Variants in PXN observed in about 807,000 individuals in gnomAD.
The protein encoded by PXN is paxillin, also known as testicular tissue protein Li 134.
A neutral mutation model predicts 103.6 loss-of-function variants in PXN; 61 were observed. That is an observed-to-expected ratio of 0.59 (90% CI 0.48 to 0.73). The LOEUF (loss-of-function observed/expected upper bound fraction) is 0.73, where lower values mean the gene tolerates loss of function less well. PXN is among the 30% of genes least tolerant of loss of function. The pLI is 0.00. For missense variants in PXN, 1,274 were observed against 1,460.3 expected (o/e 0.87, Z 2.08); for synonymous variants, 562 against 607.8 (o/e 0.92, Z 1.11).
In PXN at chr12:120,215,214, C is replaced by T. The variant is rs774714562; in HGVS notation, c.2463G>A (p.Gly821=). The T allele has an allele frequency of 1.3e-6, 2 of 1,597,730 alleles. No homozygotes were observed. The highest frequency in any genetic ancestry group is 2.3e-5 in the South Asian group (2 of 88,622). The change falls in exon 11 of 15, where the codon GGG becomes GGA. Residue 821 remains glycine, a synonymous_variant. Coordinates refer to ENST00000637617, the MANE Select transcript of PXN (RefSeq NM_001385981.1). This position sits in a 1 kb window ranked among gnomAD's most constrained non-coding sequence, Gnocchi z 4.9. ...TCCCCAGCATGCTGTCCAGCTGGCT[C>T]CCGGGCTTCGGGGGCCCCCCAGGGG... is the stretch of plus-strand genomic sequence containing the variant. ...SSPPGGPPKP[G]SQLDSMLGSL... is the part of the protein sequence containing the mutation.
intron 1 of PXN, chr12:120,247,694 A>C (rs1384688451): frequency 1.3e-5 from 2 of 154,552 alleles, no homozygotes; most frequent in Non-Finnish European, 2.9e-5. Flanking sequence ...AGAATCCGCA[A>C]GTGACTCACT....
In PXN at chr12:120,214,290, T is replaced by TCCTTCCAC. The variant is rs957453568; in HGVS notation, c.2749-81_2749-74dup. ...ACAACTGAGACGCCCAGCAAGGCCG[T>TCCTTCCAC]CCTTCCACCCGCAGCTCATAGCCAT... On this transcript the variant is annotated intron_variant, in intron 12 of 14. Transcript: ENST00000637617. This position sits in a 1 kb window ranked among gnomAD's most constrained non-coding sequence, Gnocchi z 5.0. 41 of 1,316,672 alleles carry TCCTTCCAC rather than the reference T, an allele frequency of 3.1e-5. No homozygotes were observed. In the African/African-American group the frequency reaches 5.1e-4, roughly 16 times the overall value. 81.6% of individuals were successfully genotyped at this position (1,316,672 alleles called of 1,614,324 possible). A position where few individuals can be genotyped will look rare whatever the true frequency, so the allele number is the denominator to read the frequency against.
At chr12:120,227,910 C>G (rs1939066363) in intron 1 of PXN, among the ~76,000 whole-genome samples, 1 of 152,204 alleles carries the variant, frequency 6.6e-6, no homozygotes, top group African/African-American at 2.4e-5. Context: ...CTGGCTTGAG[C>G]AAACAGAGCT....
At chr12:120,260,771 G>A (rs1029605714) in intron 1 of PXN, among the ~76,000 whole-genome samples, 1 of 152,212 alleles carries the variant, frequency 6.6e-6, no homozygotes, top group African/African-American at 2.4e-5. Context: ...TTCAAGAACA[G>A]CCTGGGAAAC....
Position 120,221,792 on chromosome 12 carries a change from ACAGT to A in PXN, c.696-38_696-35del, listed in dbSNP as rs777072817. 3 of 1,532,310 alleles carry A rather than the reference ACAGT, an allele frequency of 2.0e-6. No homozygotes were observed. Among genetic ancestry groups the A allele is most frequent in the South Asian group, 2.4e-5 (2 of 83,578 alleles). The allele number at this position is 1,532,310 out of a possible 1,614,324, so 94.9% of individuals were successfully genotyped here. A position where few individuals can be genotyped will look rare whatever the true frequency, so the allele number is the denominator to read the frequency against. On this transcript the variant is annotated intron_variant, in intron 5 of 14. Transcript: ENST00000637617. The surrounding 1 kb of genome is among the most constrained non-coding windows in gnomAD (Gnocchi z 6.6). Reference sequence around the variant, plus strand: ...TGGGCACAGCATCAGTGGGGAGCCCACAGTCAGCCCCACACTTCCCGGGGATCAG... The same window carrying A: ...TGGGCACAGCATCAGTGGGGAGCCCACAGCCCCACACTTCCCGGGGATCAG...
Position 120,224,469 on chromosome 12 carries a change from A to G in PXN, c.14-92T>C, listed in dbSNP as rs1245338935. On this transcript the variant is annotated intron_variant, in intron 1 of 14. Transcript: ENST00000637617. This position sits in a 1 kb window ranked among gnomAD's most constrained non-coding sequence, Gnocchi z 5.0. ...CTCCCTGCCTGCACCTCAAGAGTTA[A>G]TGCCTTCTAGCACCTGCCCCACCCA... is the stretch of plus-strand genomic sequence containing the variant. The G allele has an allele frequency of 2.1e-6, 2 of 935,164 alleles. No individual in the cohort carries two copies. The highest frequency in any genetic ancestry group is 4.8e-5 in the East Asian group (2 of 41,854). The allele number at this position is 935,164 out of a possible 1,614,324, so 57.9% of individuals were successfully genotyped here.
At chr12:120,243,557 T>C (rs1890526669) in intron 1 of PXN, among the ~76,000 whole-genome samples, 1 of 152,188 alleles carries the variant, frequency 6.6e-6, no homozygotes, top group African/African-American at 2.4e-5. Context: ...CCAGGTGCTA[T>C]AGCACATGCC....
In PXN at chr12:120,223,817, G is replaced by A; in HGVS notation, c.257C>T (p.Pro86Leu). 6.2e-7 allele frequency: 1 copy of A among 1,605,940 alleles called. No individual in the cohort carries two copies. Among genetic ancestry groups the A allele is most frequent in the East Asian group, 2.2e-5 (1 of 44,650 alleles). ...FIHQQPQSSSPVYGSSAKTSS... is the reference protein window; with the variant it reads ...FIHQQPQSSSLVYGSSAKTSS... ...AGTTTTGGCACTGGAGCCGTACACA[G>A]GTGATGAGGACTGAGGCTGCGAGAA... The change falls in exon 3 of 15, where the codon CCT (proline) becomes CTT (leucine). Residue 86 changes from proline to leucine, a missense_variant. By Grantham distance (98) the Pro-to-Leu change is moderately conservative. This residue lies in a region of PXN where 1,178 missense variants were observed against 1,309.0 expected (regional missense o/e 0.90). Coordinates refer to ENST00000637617, the MANE Select transcript of PXN (RefSeq NM_001385981.1).
intron 1 of PXN, among the ~76,000 whole-genome samples, chr12:120,254,657 T>C (rs986185836): frequency 5.3e-5 from 8 of 151,878 alleles, no homozygotes; most frequent in Non-Finnish European, 1.0e-4. Context: ...TTCAAGAGAT[T>C]CTCCTGCCTC....
chr12:120,257,155 T>C (rs894347303), intron 1 of PXN, among the ~76,000 whole-genome samples: 2 of 152,178 alleles, frequency 1.3e-5, no homozygotes, highest in Non-Finnish European at 2.9e-5. Flanking sequence ...CCCCCCTTGC[T>C]CCAGCTCACC....
At chr12:120,254,307 G>A (rs1043394834) in intron 1 of PXN, among the ~76,000 whole-genome samples, 1 of 152,214 alleles carries the variant, frequency 6.6e-6, no homozygotes, top group Non-Finnish European at 1.5e-5. Context: ...AGATACACGA[G>A]ATGCACAAGT....
At chr12:120,249,516 A>G (rs1891802613) in intron 1 of PXN, among the ~76,000 whole-genome samples, 1 of 152,188 alleles carries the variant, frequency 6.6e-6, no homozygotes, top group South Asian at 2.1e-4. Context: ...GTGATCAGCC[A>G]ATCAAGCATC....
intron 1 of PXN, among the ~76,000 whole-genome samples, chr12:120,238,307 C>T (rs191660335): frequency 6.6e-6 from 1 of 152,180 alleles, no homozygotes; most frequent in Non-Finnish European, 1.5e-5. Flanking sequence ...TGCAAGAAGC[C>T]CACTAACTCC....
intron 1 of PXN, chr12:120,249,892 G>C: frequency 1.0e-6 from 1 of 985,514 alleles, no homozygotes; most frequent in Non-Finnish European, 1.2e-6. Context: ...CCTCAAAGAC[G>C]CATTGTGCCT....
intron 1 of PXN, among the ~76,000 whole-genome samples, chr12:120,241,099 A>G (rs537619646): frequency 2.5e-4 from 38 of 152,240 alleles, no homozygotes; most frequent in South Asian, 1.0e-3. Context: ...TGTCCCTACC[A>G]CACTACTCTG....
In PXN at chr12:120,216,101, G is replaced by T. The variant is rs565839885; in HGVS notation, c.2301+172C>A. ...AGGGCAGCGGACCTTCTGAGTGGGG[G>T]AAGACCGGGGTCAAGGTTTACGGCA... On this transcript the variant is annotated intron_variant, in intron 9 of 14. Transcript: ENST00000637617. The surrounding 1 kb of genome is among the most constrained non-coding windows in gnomAD (Gnocchi z 5.1). 7.0e-5 allele frequency: 90 copies of T among 1,292,832 alleles called. 1 individual carries two copies. The Middle Eastern group carries it at 1.4e-3, about 20-fold the overall frequency. 80.1% of individuals were successfully genotyped at this position (1,292,832 alleles called of 1,614,324 possible).
chr12:120,250,297 C>A, intron 1 of PXN: 4 of 639,178 alleles, frequency 6.3e-6, no homozygotes, highest in Non-Finnish European at 7.8e-6. Context: ...TCCAACAGAG[C>A]CCAGGGTGGG....
In PXN at chr12:120,224,464, A is replaced by G. The variant is rs777045733; in HGVS notation, c.14-87T>C. 3.1e-6 allele frequency: 3 copies of G among 961,248 alleles called. No individual in the cohort carries two copies. The highest frequency in any genetic ancestry group is 1.7e-6 in the Non-Finnish European group (1 of 590,276). The allele number at this position is 961,248 out of a possible 1,614,324, so 59.5% of individuals were successfully genotyped here. Reference sequence around the variant, plus strand: ...GGGCCCTCCCTGCCTGCACCTCAAGAGTTAATGCCTTCTAGCACCTGCCCC... The same window carrying G: ...GGGCCCTCCCTGCCTGCACCTCAAGGGTTAATGCCTTCTAGCACCTGCCCC... On this transcript the variant is annotated intron_variant, in intron 1 of 14. Coordinates refer to ENST00000637617, the MANE Select transcript of PXN (RefSeq NM_001385981.1). The surrounding 1 kb of genome is among the most constrained non-coding windows in gnomAD (Gnocchi z 5.0).
chr12:120,221,663 C>G lies in PXN; in HGVS notation c.791G>C (p.Arg264Thr), dbSNP rs1885190285. The change falls in exon 6 of 15, where the codon AGG becomes ACG. Residue 264 changes from arginine to threonine, a missense_variant. By Grantham distance (71) the Arg-to-Thr change is moderately conservative (BLOSUM62 -1). Transcript: ENST00000637617. The surrounding 1 kb of genome is among the most constrained non-coding windows in gnomAD (Gnocchi z 6.6). The part of the protein sequence containing the change: ...QTRISASSAT[R>T]ELDELMASLS... The stretch of plus-strand genomic sequence containing the variant: ...CGAAGCCATCAGCTCGTCCAGCTCC[C>G]TGGTGGCAGAGGAGGCCGAGATGCG... The G allele has an allele frequency of 6.4e-7, 1 of 1,564,102 alleles. No homozygotes were observed. The highest frequency in any genetic ancestry group is 1.4e-5 in the African/African-American group (1 of 73,778).
Sources: gnomAD v4.1 joint callset for allele counts (sites outside exome capture counted in the v4.1 genomes callset) on GRCh38, gnomAD v4.1.1 for gene constraint, gnomAD v4.1.1 regional missense constraint, Gnocchi (gnomAD v3.1) non-coding constraint, MANE v1.5 for transcripts, NCBI Gene and HGNC (gene_info 2026-07-23, HGNC 2026-07-21) for gene names.